Variants in HELZ observed in about 807,000 individuals in gnomAD.
HELZ encodes ATP-dependent RNA helicase with zinc finger domain.
A neutral mutation model predicts 218.2 loss-of-function variants in HELZ; 23 were observed. The ratio of observed to expected loss-of-function variants is 0.11; its 90% CI spans 0.08 to 0.15. The LOEUF is 0.15. Among genes scored for constraint, HELZ ranks in the 10% least tolerant of loss-of-function variants. HELZ has a pLI of 1.00. For missense variants in HELZ, 1,813 were observed against 2,353.7 expected, an observed-to-expected ratio of 0.77 and a Z score of 4.75; for synonymous variants, 814 against 829.4, an observed-to-expected ratio of 0.98 and a Z score of 0.32.
intron 5 of HELZ, among the ~76,000 whole-genome samples, chr17:67,213,574 A>C (rs1349784458): frequency 6.6e-6 from 1 of 152,182 alleles, no homozygotes; most frequent in Non-Finnish European, 1.5e-5. Context: ...GTGACCCGAG[A>C]TCACGCCACT....
At chr17:67,138,239 A>C in intron 21 of HELZ, 125 bp from the exon 22 acceptor site, 2 of 685,020 alleles carry the variant, frequency 2.9e-6, no homozygotes, top group African/African-American at 1.8e-5. Flanking sequence ...AAAAAAAAAA[A>C]ACTACCCCTA....
intron 21 of HELZ, among the ~76,000 whole-genome samples, chr17:67,141,866 A>G (rs1263324390): frequency 6.6e-6 from 1 of 152,150 alleles, no homozygotes; most frequent in African/African-American, 2.4e-5. Context: ...CAACATGGTG[A>G]AACCCTGCCT....
chr17:67,143,387 C>G (rs1032384536), intron 21 of HELZ, among the ~76,000 whole-genome samples: 1 of 152,016 alleles, frequency 6.6e-6, no homozygotes, highest in Admixed American at 6.6e-5. Context: ...GTGAGAGGAT[C>G]GCTTGAGCCC....
intron 26 of HELZ, among the ~76,000 whole-genome samples, chr17:67,122,295 C>T (rs947039784): frequency 6.6e-6 from 1 of 152,148 alleles, no homozygotes; most frequent in Non-Finnish European, 1.5e-5. Flanking sequence ...CCTGTAATCC[C>T]AGCACTTTGG....
Position 67,188,671 on chromosome 17 carries a change from T to C in HELZ, c.865-55A>G. On this transcript the variant is annotated intron_variant, in intron 11 of 32. Coordinates refer to ENST00000358691, the MANE Select transcript of HELZ (RefSeq NM_014877.4). This position sits in a 1 kb window ranked among gnomAD's most constrained non-coding sequence, Gnocchi z 4.1. ...TACAAGGGGGTGAAAAATCCAATTG[T>C]AATTGGGCTCTTCAATGAAAATATT... 7.3e-7 allele frequency: 1 copy of C among 1,378,074 alleles called. No homozygotes were observed. Among genetic ancestry groups the C allele is most frequent in the Non-Finnish European group, 1.0e-6 (1 of 993,256 alleles). The allele number at this position is 1,378,074 out of a possible 1,614,324, so 85.4% of individuals were successfully genotyped here.
At chr17:67,230,752 A>G (rs928441962) in intron 3 of HELZ, among the ~76,000 whole-genome samples, 1 of 152,200 alleles carries the variant, frequency 6.6e-6, no homozygotes, top group African/African-American at 2.4e-5. Context: ...ACAGAATCAC[A>G]TTACTACTAC....
chr17:67,245,129 G>T lies in HELZ; in HGVS notation c.-132+19C>A. On this transcript the variant is annotated intron_variant, in intron 1 of 32. Coordinates refer to ENST00000358691, the MANE Select transcript of HELZ (RefSeq NM_014877.4). ...GCGGAGCGGCCCCAGGAGCAGAGAA[G>T]GGGGAAGTCAGGACTTACCTGTCAT... The T allele has an allele frequency of 2.0e-6, 2 of 985,084 alleles. No individual in the cohort carries two copies. The highest frequency in any genetic ancestry group is 2.4e-6 in the Non-Finnish European group (2 of 829,820). 61.0% of individuals were successfully genotyped at this position (985,084 alleles called of 1,614,324 possible).
Position 67,109,653 on chromosome 17 carries a change from G to A in HELZ, c.3952C>T (p.Pro1318Ser), listed in dbSNP as rs2037219532. ...DLESNPQNRS[P>S]ESRPSVVYPS... ...TAAACAACACTAGGACGTGATTCAGGACTTCTGTTCTGTGGATTTGATTCC... is the reference window on the plus strand; with the variant it reads ...TAAACAACACTAGGACGTGATTCAGAACTTCTGTTCTGTGGATTTGATTCC... Residue 1318 changes from proline to serine, a missense_variant, in exon 29 of 33, where the codon CCT (proline) becomes TCT (serine). Around this residue, in one of 4 missense-constraint regions of HELZ, gnomAD observed 938 missense variants for 1,027.5 expected, o/e 0.91. Transcript: ENST00000358691. 3.7e-6 allele frequency: 6 copies of A among 1,613,688 alleles called. No homozygotes were observed. The African/African-American group carries it at 6.7e-5, about 18-fold the overall frequency.
chr17:67,138,222 A>AT lies in HELZ; in HGVS notation c.2770-109dup, dbSNP rs1334067262. ...AAAGGATCCCATTTTAGCAGATGTC[A>AT]TTTAAAAAAAAAAAAAAACTACCCC... is the stretch of plus-strand genomic sequence containing the variant. On this transcript the variant is annotated intron_variant, in intron 21 of 32. Transcript: ENST00000358691. The AT allele has an allele frequency of 4.0e-3, 2,958 of 744,518 alleles. 7 individuals are homozygous for AT. The highest frequency in any genetic ancestry group is 4.7e-3 in the Non-Finnish European group (2,502 of 529,300). The allele number at this position is 744,518 out of a possible 1,614,324, so 46.1% of individuals were successfully genotyped here.
chr17:67,243,526 A>C (rs1598496032), intron 2 of HELZ, among the ~76,000 whole-genome samples: 1 of 152,252 alleles, frequency 6.6e-6, no homozygotes, highest in African/African-American at 2.4e-5. Flanking sequence ...GAAGATACTG[A>C]TCAAGAATAG....
Position 67,093,520 on chromosome 17 carries a change from T to C in HELZ, c.5242-6439A>G, listed in dbSNP as rs538505390. 8.5e-5 allele frequency among the ~76,000 whole-genome samples: 13 copies of C among 152,308 alleles called. 2 individuals are homozygous for C. The South Asian group carries it at 2.3e-3, about 27-fold the overall frequency. On this transcript the variant is annotated intron_variant, in intron 31 of 32. Coordinates refer to ENST00000358691, the MANE Select transcript of HELZ (RefSeq NM_014877.4). ...TAAAGCAATGCTGTCCAAAAACTAT[T>C]TCCTGTGACGATGGGAATGTTCTGT...
chr17:67,109,691 A>C lies in HELZ; in HGVS notation c.3919-5T>G, dbSNP rs746397930. 4 of 1,594,920 alleles carry C rather than the reference A, an allele frequency of 2.5e-6. No homozygotes were observed. Among genetic ancestry groups the C allele is most frequent in the Non-Finnish European group, 3.4e-6 (4 of 1,170,612 alleles). ...TGGATTTGATTCCAAATCAACCTAG[A>C]AAAAAAGAAGAAGCCTTTTTTAACT... On this transcript the variant is annotated splice_polypyrimidine_tract_variant and splice_region_variant and intron_variant, in intron 28 of 32. Coordinates refer to ENST00000358691, the MANE Select transcript of HELZ (RefSeq NM_014877.4).
chr17:67,163,881 C>T (rs966512884), intron 15 of HELZ, among the ~76,000 whole-genome samples: 9 of 152,154 alleles, frequency 5.9e-5, no homozygotes, highest in Non-Finnish European at 1.2e-4. Flanking sequence ...CTTTTAATTG[C>T]TATTTAAATT....
At chr17:67,144,265 A>G (rs2038424300) in intron 21 of HELZ, among the ~76,000 whole-genome samples, 1 of 152,122 alleles carries the variant, frequency 6.6e-6, no homozygotes. Context: ...TGAGGTGAAC[A>G]GGGTCAGTCC....
rs376252223 is a variant in HELZ at position 67,233,910 on chromosome 17, G to A, written c.-19+5523C>T. On this transcript the variant is annotated intron_variant, in intron 3 of 32. Coordinates refer to ENST00000358691, the MANE Select transcript of HELZ (RefSeq NM_014877.4). ...AAAATACAAAAATTAGCCAGGTGTG[G>A]TGTCGGGCACCTGTAATCCCAGCTA... Among the ~76,000 whole-genome samples, 7 of 151,944 alleles carry A rather than the reference G, an allele frequency of 4.6e-5. No individual in the cohort carries two copies. In the East Asian group the frequency reaches 9.7e-4, roughly 21 times the overall value.
chr17:67,087,941 C>T (rs967615622), intron 31 of HELZ, among the ~76,000 whole-genome samples: 1 of 152,060 alleles, frequency 6.6e-6, no homozygotes, highest in Non-Finnish European at 1.5e-5. Flanking sequence ...TAGGTATCAG[C>T]CTCCATCTAA....
intron 21 of HELZ, among the ~76,000 whole-genome samples, chr17:67,138,798 A>G (rs1258816807): frequency 6.6e-6 from 1 of 152,218 alleles, no homozygotes; most frequent in East Asian, 1.9e-4. Flanking sequence ...CAATTACTGG[A>G]TTATGATAGG....
chr17:67,092,752 G>A (rs560229556), intron 31 of HELZ, among the ~76,000 whole-genome samples: 1 of 152,306 alleles, frequency 6.6e-6, no homozygotes, highest in South Asian at 2.1e-4. Flanking sequence ...GATCACCTGA[G>A]GTCAGGAGTT....
At chr17:67,164,077 G>A (rs759571341) in intron 15 of HELZ, among the ~76,000 whole-genome samples, 12 of 152,042 alleles carry the variant, frequency 7.9e-5, no homozygotes, top group Non-Finnish European at 1.5e-4. Context: ...CTTTAAACTC[G>A]AAATTCTTAT....
Sources: gnomAD v4.1 joint callset for allele counts (sites outside exome capture counted in the v4.1 genomes callset) on GRCh38, gnomAD v4.1.1 for gene constraint, gnomAD v4.1.1 regional missense constraint, Gnocchi (gnomAD v3.1) non-coding constraint, MANE v1.5 for transcripts, NCBI Gene and HGNC (gene_info 2026-07-23, HGNC 2026-07-21) for gene names.